CNTN5: variants seen among roughly 807,000 people sequenced by gnomAD.
The protein encoded by CNTN5 is contactin-5.
In CNTN5, 77 loss-of-function variants were observed where a neutral mutation model predicts 129.1. The observed-to-expected ratio is 0.60, with a 90% CI of 0.50 to 0.72. The LOEUF is 0.72. Ranked by LOEUF, CNTN5 falls within the 30% of genes least tolerant of loss-of-function variation. CNTN5 has a pLI of 0.00. For synonymous variants in CNTN5, 509 were observed against 465.6 expected, an observed-to-expected ratio of 1.09 and a Z score of -1.20; for missense variants, 1,478 against 1,328.8, an observed-to-expected ratio of 1.11 and a Z score of -1.75.
intron 1 of CNTN5, among the ~76,000 whole-genome samples, chr11:99,282,884 T>C (rs1863762309): frequency 6.6e-6 from 1 of 152,054 alleles, no homozygotes; most frequent in African/African-American, 2.4e-5. Context: ...CTTTCCCCAA[T>C]GGCCATTAGA....
At chr11:100,278,531 G>C (rs1950566299) in intron 18 of CNTN5, among the ~76,000 whole-genome samples, 1 of 151,634 alleles carries the variant, frequency 6.6e-6, no homozygotes, top group Admixed American at 6.6e-5. Context: ...TCATTTATTT[G>C]GTTAATTCCT....
At chr11:99,975,609 A>C (rs1019912606) in intron 8 of CNTN5, among the ~76,000 whole-genome samples, 1 of 152,114 alleles carries the variant, frequency 6.6e-6, no homozygotes, top group Non-Finnish European at 1.5e-5. Flanking sequence ...GGTGAAGGAA[A>C]AGTAAGGCAT....
At chr11:99,422,350 ACT>A (rs1269087102) in intron 2 of CNTN5, among the ~76,000 whole-genome samples, 3 of 151,108 alleles carry the variant, frequency 2.0e-5, no homozygotes, top group Non-Finnish European at 4.4e-5. Flanking sequence ...ATGACAACTC[ACT>A]CTCTAATTTA....
chr11:100,123,595 A>C (rs1312734242), intron 13 of CNTN5, among the ~76,000 whole-genome samples: 1 of 152,044 alleles, frequency 6.6e-6, no homozygotes, highest in East Asian at 1.9e-4. Flanking sequence ...TCAAACTCCT[A>C]AGGAAAATGA....
intron 1 of CNTN5, among the ~76,000 whole-genome samples, chr11:99,077,768 A>T (rs1865635651): frequency 6.6e-6 from 1 of 152,120 alleles, no homozygotes; most frequent in South Asian, 2.1e-4. Context: ...GATGGTTTAT[A>T]AGGGGCACTT....
intron 21 of CNTN5, among the ~76,000 whole-genome samples, chr11:100,330,781 G>A (rs1194666083): frequency 7.2e-5 from 11 of 152,142 alleles, no homozygotes; most frequent in Non-Finnish European, 1.3e-4. Context: ...AATGCTGAGA[G>A]AATTCACCAC....
chr11:99,852,385 C>T (rs1167684543), intron 6 of CNTN5, among the ~76,000 whole-genome samples: 20 of 152,116 alleles, frequency 1.3e-4, no homozygotes, highest in Admixed American at 1.2e-3. Flanking sequence ...GCTATTTGCC[C>T]AGGCTGGTCT....
At chr11:99,184,485 G>A (rs1456065691) in intron 1 of CNTN5, among the ~76,000 whole-genome samples, 1 of 151,954 alleles carries the variant, frequency 6.6e-6, no homozygotes, top group African/African-American at 2.4e-5. Context: ...CTTCCTCCAG[G>A]CAGCCATCCT....
intron 2 of CNTN5, among the ~76,000 whole-genome samples, chr11:99,383,667 A>G (rs1006258231): frequency 2.6e-5 from 4 of 151,990 alleles, no homozygotes; most frequent in Non-Finnish European, 5.9e-5. Flanking sequence ...AGGAGTACCT[A>G]TAATTTATTT....
At chr11:99,082,671 A>T (rs1048271931) in intron 1 of CNTN5, among the ~76,000 whole-genome samples, 1 of 152,198 alleles carries the variant, frequency 6.6e-6, no homozygotes, top group Non-Finnish European at 1.5e-5. Flanking sequence ...CTAAGACACA[A>T]TTCTAAGTGT....
intron 3 of CNTN5, among the ~76,000 whole-genome samples, chr11:99,569,439 G>A (rs1441370827): frequency 1.3e-5 from 2 of 152,014 alleles, no homozygotes; most frequent in African/African-American, 2.4e-5. Context: ...TCAGCCTCCC[G>A]AGTAGCTGGG....
At chr11:99,276,425 C>T (rs878971862) in intron 1 of CNTN5, among the ~76,000 whole-genome samples, 4 of 151,632 alleles carry the variant, frequency 2.6e-5, no homozygotes, top group Admixed American at 2.0e-4. Flanking sequence ...ATTTGAATTT[C>T]GAATAGCATC....
At position 100,040,012 on chromosome 11, in the gene CNTN5, G is replaced by T. The variant is rs183305995; in HGVS notation, c.981-21200G>T. Among the ~76,000 whole-genome samples, 178 of 152,318 alleles carry T rather than the reference G, an allele frequency of 1.2e-3. 1 individual carries two copies. Among genetic ancestry groups the T allele is most frequent in the African/African-American group, 4.2e-3 (173 of 41,574 alleles). On this transcript the variant is annotated intron_variant, in intron 9 of 24. Transcript: ENST00000524871. Reference sequence around the variant, plus strand: ...TCCAGCTTTGTTCTGTTGCTGGTGAGGAGCTGCATTCCTTTGGAGGAGGAG... The same window carrying T: ...TCCAGCTTTGTTCTGTTGCTGGTGATGAGCTGCATTCCTTTGGAGGAGGAG...
intron 17 of CNTN5, among the ~76,000 whole-genome samples, chr11:100,266,614 T>G (rs1348271): frequency 0.21 from 30,492 of 146,384 alleles, 3,527 homozygotes; most frequent in Non-Finnish European, 0.26. Context: ...CAACAGGGAA[T>G]TTAGAATTTC....
intron 16 of CNTN5, among the ~76,000 whole-genome samples, chr11:100,236,593 C>T (rs1056682888): frequency 6.6e-6 from 1 of 152,116 alleles, no homozygotes; most frequent in African/African-American, 2.4e-5. Flanking sequence ...TCCCATTTCA[C>T]TTTAGGAGGC....
chr11:100,224,875 T>G, intron 16 of CNTN5, 63 bp downstream of exon 16: 1 of 1,542,054 alleles, frequency 6.5e-7, no homozygotes, highest in East Asian at 2.3e-5. Context: ...CAAAGGAATT[T>G]AAATGCATGG....
At chr11:100,032,094 A>G (rs1251189349) in intron 9 of CNTN5, among the ~76,000 whole-genome samples, 1 of 152,182 alleles carries the variant, frequency 6.6e-6, no homozygotes, top group Non-Finnish European at 1.5e-5. Flanking sequence ...CATATACTCT[A>G]TTCAACTTGA....
At chr11:99,974,748 G>A (rs1937828872) in intron 8 of CNTN5, among the ~76,000 whole-genome samples, 2 of 152,156 alleles carry the variant, frequency 1.3e-5, no homozygotes, top group Admixed American at 1.3e-4. Flanking sequence ...TATCTATCAA[G>A]AGAATGCAGA....
At chr11:99,527,266 A>G (rs1378163909) in intron 2 of CNTN5, among the ~76,000 whole-genome samples, 1 of 152,204 alleles carries the variant, frequency 6.6e-6, no homozygotes, top group Non-Finnish European at 1.5e-5. Flanking sequence ...AGCACAGCCA[A>G]TGCCTTTAGT....
Sources: allele counts gnomAD v4.1 joint callset (sites outside exome capture counted in the v4.1 genomes callset), GRCh38; gene constraint gnomAD v4.1.1; transcripts MANE v1.5; gene names NCBI Gene and HGNC (gene_info 2026-07-23, HGNC 2026-07-21).